The following GARRE1 variants were observed in gnomAD, a reference collection of about 807,000 sequenced individuals.
GARRE1 encodes granule associated Rac and RHOG effector 1.
In GARRE1, 49 loss-of-function variants were observed where a neutral mutation model predicts 103.2. That is an observed-to-expected ratio of 0.47 (90% CI 0.38 to 0.60). The LOEUF is 0.60. Ranked by LOEUF, GARRE1 falls within the 20% of genes least tolerant of loss-of-function variation. The pLI is 0.00. For missense variants in GARRE1, 1,199 were observed against 1,370.5 expected (o/e 0.87, Z 1.98); for synonymous variants, 505 against 532.8 (o/e 0.95, Z 0.72).
chr19:34,267,691 C>A (rs2073760771), intron 1 of GARRE1, among the ~76,000 whole-genome samples: 1 of 151,642 alleles, frequency 6.6e-6, no homozygotes, highest in South Asian at 2.1e-4. Context: ...CAAAAATAAA[C>A]CGCAGGTTTC....
At chr19:34,264,926 G>T (rs144073144) in intron 1 of GARRE1, among the ~76,000 whole-genome samples, 3 of 152,216 alleles carry the variant, frequency 2.0e-5, no homozygotes, top group Non-Finnish European at 4.4e-5. Flanking sequence ...TACATTAACC[G>T]TGAGTCTGTT....
rs563969735 is a variant in GARRE1 at position 34,305,704 on chromosome 19, A to T, written c.495+4736A>T. Among the ~76,000 whole-genome samples the T allele has an allele frequency of 2.0e-5, 3 of 152,346 alleles. No individual in the cohort carries two copies. In the South Asian group the frequency reaches 6.2e-4, roughly 32 times the overall value. On this transcript the variant is annotated intron_variant, in intron 2 of 13. Coordinates refer to ENST00000299505, the MANE Select transcript of GARRE1 (RefSeq NM_014686.5). The stretch of plus-strand genomic sequence containing the variant: ...GCTTGGTAAGCCGCTGGGGCACAGC[A>T]GTACCTGCTTTGTTTCTTCTGCTTT...
intron 10 of GARRE1, among the ~76,000 whole-genome samples, chr19:34,345,439 G>A (rs1250476362): frequency 2.6e-5 from 4 of 152,326 alleles, no homozygotes; most frequent in South Asian, 2.1e-4. Flanking sequence ...GGCACAGTGC[G>A]TTTTCTCAGT....
At chr19:34,254,790 C>T (rs971661748) in intron 1 of GARRE1, among the ~76,000 whole-genome samples, 176 bp downstream of exon 1, 2 of 149,160 alleles carry the variant, frequency 1.3e-5, no homozygotes, top group Non-Finnish European at 3.0e-5. Flanking sequence ...CTTGCCCGCC[C>T]GCTGTGGAGG....
intron 8 of GARRE1, among the ~76,000 whole-genome samples, chr19:34,339,132 G>A (rs1244710348): frequency 2.0e-5 from 3 of 152,094 alleles, no homozygotes; most frequent in Non-Finnish European, 2.9e-5. Context: ...TGGAGAAGTC[G>A]GCAGGAATCA....
intron 2 of GARRE1, among the ~76,000 whole-genome samples, chr19:34,304,191 A>G (rs2073995384): frequency 6.6e-6 from 1 of 151,594 alleles, no homozygotes; most frequent in South Asian, 2.1e-4. Flanking sequence ...CCTGGGTTGA[A>G]GCAATTCTTA....
intron 12 of GARRE1, among the ~76,000 whole-genome samples, chr19:34,350,613 G>T (rs900004909): frequency 1.3e-5 from 2 of 151,996 alleles, no homozygotes; most frequent in African/African-American, 4.8e-5. Context: ...ACGGAGTCTC[G>T]CTCTGTTGCC....
At chr19:34,315,572 G>A (rs551601957) in intron 2 of GARRE1, among the ~76,000 whole-genome samples, 4 of 152,076 alleles carry the variant, frequency 2.6e-5, no homozygotes, top group African/African-American at 7.2e-5. Context: ...TTAGCCTGGC[G>A]TGGTGGTGGG....
chr19:34,303,827 G>T (rs1218334700), intron 2 of GARRE1, among the ~76,000 whole-genome samples: 2 of 152,142 alleles, frequency 1.3e-5, no homozygotes, highest in Admixed American at 6.5e-5. Flanking sequence ...TGTGGGTCAG[G>T]CTGGTCTCAA....
intron 10 of GARRE1, among the ~76,000 whole-genome samples, chr19:34,346,674 T>G (rs1018443785): frequency 1.2e-4 from 19 of 152,194 alleles, no homozygotes; most frequent in African/African-American, 4.3e-4. Context: ...CGGAGTGCAA[T>G]AGCGCGATCT....
intron 2 of GARRE1, among the ~76,000 whole-genome samples, chr19:34,316,764 A>G (rs1445135525): frequency 6.6e-6 from 1 of 152,240 alleles, no homozygotes; most frequent in African/African-American, 2.4e-5. Flanking sequence ...GTTGGTCTCC[A>G]GGCATCCTGG....
In GARRE1 at chr19:34,263,303, T is replaced by TAGATAG. The variant is rs1568521181; in HGVS notation, c.-796+8690_-796+8691insGATAGA. On this transcript the variant is annotated intron_variant, in intron 1 of 13. Transcript: ENST00000299505. ...AGATAGATAGATAGATAGATAGATA[T>TAGATAG]ACATGAAATAGGTTTATAAGTGCAG... is the stretch of plus-strand genomic sequence containing the variant. Among the ~76,000 whole-genome samples, 9 of 125,052 alleles carry TAGATAG rather than the reference T, an allele frequency of 7.2e-5. No individual in the cohort carries two copies. In the East Asian group the frequency reaches 1.6e-3, roughly 22 times the overall value. 82.0% of individuals were successfully genotyped at this position (125,052 alleles called of 152,430 possible). A position where few individuals can be genotyped will look rare whatever the true frequency, so the allele number is the denominator to read the frequency against.
At chr19:34,293,319 G>T (rs999438288) in intron 1 of GARRE1, among the ~76,000 whole-genome samples, 3 of 151,212 alleles carry the variant, frequency 2.0e-5, no homozygotes, top group African/African-American at 7.3e-5. Context: ...AAGCACTCTT[G>T]AAGGGAAAAA....
intron 2 of GARRE1, among the ~76,000 whole-genome samples, chr19:34,303,869 G>A (rs910887087): frequency 3.9e-5 from 6 of 152,110 alleles, no homozygotes. Flanking sequence ...ACCCACCTCA[G>A]ACTCCCAAAG....
intron 1 of GARRE1, among the ~76,000 whole-genome samples, chr19:34,290,010 T>C (rs867769843): frequency 2.0e-5 from 3 of 152,204 alleles, no homozygotes; most frequent in East Asian, 3.9e-4. Context: ...CCTTGACTTA[T>C]GATGGGAGTT....
intron 1 of GARRE1, among the ~76,000 whole-genome samples, chr19:34,289,097 G>T (rs1172793875): frequency 6.6e-6 from 1 of 151,760 alleles, no homozygotes; most frequent in Non-Finnish European, 1.5e-5. Context: ...TTGCACCACT[G>T]CACTCCAGCC....
intron 1 of GARRE1, among the ~76,000 whole-genome samples, chr19:34,295,482 A>G (rs897627202): frequency 1.3e-5 from 2 of 150,612 alleles, no homozygotes; most frequent in African/African-American, 4.9e-5. Flanking sequence ...TCCCCTTTTT[A>G]GGCTTTTATT....
At chr19:34,310,221 A>G (rs999829240) in intron 2 of GARRE1, among the ~76,000 whole-genome samples, 1 of 152,226 alleles carries the variant, frequency 6.6e-6, no homozygotes, top group African/African-American at 2.4e-5. Flanking sequence ...TTTTGGTTCT[A>G]GTCAGCTTAG....
At chr19:34,278,848 T>C (rs759461526) in intron 1 of GARRE1, among the ~76,000 whole-genome samples, 12 of 152,018 alleles carry the variant, frequency 7.9e-5, no homozygotes, top group Non-Finnish European at 1.5e-4. Flanking sequence ...ATTTTTAAAT[T>C]TTTTGTAGAG....
Sources: allele counts gnomAD v4.1 joint callset (sites outside exome capture counted in the v4.1 genomes callset), GRCh38; gene constraint gnomAD v4.1.1; transcripts MANE v1.5; gene names NCBI Gene and HGNC (gene_info 2026-07-23, HGNC 2026-07-21).